Variants in DCDC1 observed in about 807,000 individuals in gnomAD.
DCDC1 encodes doublecortin domain containing 1, also known as doublecortin domain-containing protein 1.
Under a neutral mutation model 178.3 loss-of-function variants are expected in DCDC1, and 200 were observed. The observed-to-expected ratio is 1.12, with a 90% CI of 1.00 to 1.26. DCDC1 has a LOEUF of 1.26. Ranked by LOEUF, DCDC1 falls within the 50% of genes most tolerant of loss-of-function variation. The probability of loss-of-function intolerance (pLI) is 0.00; values close to 1 mark genes in which losing one functional copy is unlikely to be tolerated. For missense variants in DCDC1, 1,983 were observed against 1,749.2 expected (o/e 1.13, Z -2.38); for synonymous variants, 690 against 604.8 (o/e 1.14, Z -2.07).
intron 11 of DCDC1, among the ~76,000 whole-genome samples, chr11:31,118,270 T>C (rs185483201): frequency 6.6e-6 from 1 of 152,132 alleles, no homozygotes; most frequent in Non-Finnish European, 1.5e-5. Flanking sequence ...GTAAACATAA[T>C]TTTCCCCTAA....
Position 30,922,597 on chromosome 11 carries a change from C to G in DCDC1, c.3039G>C (p.Leu1013=). The part of the protein sequence containing the change: ...SCGELWINPD[L]SIAQQKKQIF... ...TTTGTTTCTTTTGCTGAGCAATGGA[C>G]AGGTCAGGATTGATCCAGAGTTCTC... Residue 1013 remains leucine, a synonymous_variant, in exon 24 of 39, where the codon CTG becomes CTC. Transcript: ENST00000684477. 6.3e-7 allele frequency: 1 copy of G among 1,585,758 alleles called. No homozygotes were observed. The highest frequency in any genetic ancestry group is 8.5e-7 in the Non-Finnish European group (1 of 1,169,852).
intron 20 of DCDC1, among the ~76,000 whole-genome samples, chr11:30,959,397 T>C (rs1948959508): frequency 1.3e-5 from 2 of 152,140 alleles, no homozygotes. Flanking sequence ...CCTGTTCACA[T>C]GTTCAGTGAA....
At chr11:31,272,920 G>A (rs1320352781) in intron 7 of DCDC1, among the ~76,000 whole-genome samples, 2 of 152,138 alleles carry the variant, frequency 1.3e-5, no homozygotes, top group East Asian at 3.9e-4. Flanking sequence ...CTCTGTGTAG[G>A]GACTCACAAG....
At chr11:31,070,433 C>A (rs1331779063) in intron 18 of DCDC1, among the ~76,000 whole-genome samples, 1 of 152,150 alleles carries the variant, frequency 6.6e-6, no homozygotes, top group African/African-American at 2.4e-5. Flanking sequence ...ATAATGCATT[C>A]TTCACATTCT....
At chr11:31,138,301 T>C (rs1963408504) in intron 9 of DCDC1, among the ~76,000 whole-genome samples, 1 of 152,178 alleles carries the variant, frequency 6.6e-6, no homozygotes, top group African/African-American at 2.4e-5. Flanking sequence ...TTGAACCTGC[T>C]CCATTTACAA....
chr11:30,982,182 T>C (rs1950422823), intron 20 of DCDC1, among the ~76,000 whole-genome samples: 1 of 152,206 alleles, frequency 6.6e-6, no homozygotes, highest in African/African-American at 2.4e-5. Flanking sequence ...TCCCGCAAAT[T>C]AGTATTGCTG....
rs372289576 is a variant in DCDC1, at chr11:30,899,594, T to C, written c.4712A>G (p.Asp1571Gly). 3.2e-6 allele frequency: 5 copies of C among 1,583,028 alleles called. No homozygotes were observed. In the East Asian group the frequency reaches 1.1e-4, roughly 36 times the overall value. ...GGTATCTAGATCAGCCAAAATTCTG[T>C]CCTTTTTTAGCCAGTTCTGTTTCTC... ...KLEKQNWLKK[D>G]RILADLDTMR... Residue 1571 changes from aspartate to glycine, a missense_variant, in exon 34 of 39, where the codon GAC (aspartate) becomes GGC (glycine). By Grantham distance (94) the Asp-to-Gly change is moderately conservative. Coordinates refer to ENST00000684477, the MANE Select transcript of DCDC1 (RefSeq NM_001387274.1).
chr11:30,994,076 CA>C (rs1411207227), intron 20 of DCDC1, among the ~76,000 whole-genome samples: 1 of 151,832 alleles, frequency 6.6e-6, no homozygotes, highest in Non-Finnish European at 1.5e-5. Context: ...TTAGATCCAG[CA>C]ATATAAAAAA....
intron 9 of DCDC1, among the ~76,000 whole-genome samples, chr11:31,211,168 A>C (rs1156489628): frequency 6.6e-6 from 1 of 152,180 alleles, no homozygotes; most frequent in Non-Finnish European, 1.5e-5. Flanking sequence ...TAGCAATCAG[A>C]CTGAGCTTGG....
At chr11:31,263,736 T>C (rs1057385156) in intron 8 of DCDC1, among the ~76,000 whole-genome samples, 2 of 152,088 alleles carry the variant, frequency 1.3e-5, no homozygotes, top group African/African-American at 2.4e-5. Flanking sequence ...ATAGTACAAG[T>C]GAGAAAATGG....
At chr11:30,999,842 G>A (rs569929300) in intron 20 of DCDC1, among the ~76,000 whole-genome samples, 9 of 152,178 alleles carry the variant, frequency 5.9e-5, no homozygotes, top group Admixed American at 5.9e-4. Flanking sequence ...ATATTTGTTG[G>A]CAATCTTAGG....
At chr11:31,268,125 T>C (rs1292775433) in intron 7 of DCDC1, among the ~76,000 whole-genome samples, 1 of 152,208 alleles carries the variant, frequency 6.6e-6, no homozygotes. Context: ...GTTCTCAATT[T>C]CTTAATATTA....
At position 31,156,497 on chromosome 11, in the gene DCDC1, A is replaced by G. The variant is rs145173536; in HGVS notation, c.1222-18713T>C. Among the ~76,000 whole-genome samples the G allele has an allele frequency of 6.0e-3, 921 of 152,238 alleles. 7 individuals carry two copies. The highest frequency in any genetic ancestry group is 0.021 in the African/African-American group (880 of 41,524). On this transcript the variant is annotated intron_variant, in intron 9 of 38. Coordinates refer to ENST00000684477, the MANE Select transcript of DCDC1 (RefSeq NM_001387274.1). ...AAATTATCTAGTAGCTGCAGTAAAA[A>G]GAAACAGGTAAAATTTATTTTAGTA...
intron 20 of DCDC1, among the ~76,000 whole-genome samples, chr11:31,064,217 A>G (rs1034298119): frequency 9.2e-5 from 14 of 152,172 alleles, no homozygotes; most frequent in Non-Finnish European, 2.1e-4. Context: ...GTTATTTCAT[A>G]GCATTTTAGT....
At chr11:30,996,342 A>G (rs1201363989) in intron 20 of DCDC1, among the ~76,000 whole-genome samples, 1 of 152,202 alleles carries the variant, frequency 6.6e-6, no homozygotes, top group Admixed American at 6.5e-5. Flanking sequence ...TTTGATGAGA[A>G]TATAAAATGG....
intron 20 of DCDC1, among the ~76,000 whole-genome samples, chr11:31,043,247 T>G (rs1032793956): frequency 6.6e-6 from 1 of 152,194 alleles, no homozygotes; most frequent in Non-Finnish European, 1.5e-5. Context: ...TGAGAGACTT[T>G]TGCTGATACA....
intron 6 of DCDC1, among the ~76,000 whole-genome samples, chr11:31,301,716 A>C (rs144780329): frequency 1.3e-5 from 2 of 152,234 alleles, no homozygotes; most frequent in Non-Finnish European, 2.9e-5. Context: ...TTTCCAAATC[A>C]TCAATAATTA....
At chr11:30,967,091 T>G (rs1165498526) in intron 20 of DCDC1, among the ~76,000 whole-genome samples, 13 of 38,318 alleles carry the variant, frequency 3.4e-4, no homozygotes, top group Admixed American at 6.2e-4. Flanking sequence ...TGCGGGCTCT[T>G]TTTTGGTTCC....
intron 20 of DCDC1, among the ~76,000 whole-genome samples, chr11:30,954,005 C>CTTTTT (rs5790847): frequency 5.5e-4 from 42 of 76,508 alleles, no homozygotes; most frequent in African/African-American, 1.3e-3. Context: ...TACAACAATT[C>CTTTTT]TTTTTTTTTT....
Sources: gnomAD v4.1 joint callset for allele counts (sites outside exome capture counted in the v4.1 genomes callset) on GRCh38, gnomAD v4.1.1 for gene constraint, MANE v1.5 for transcripts, NCBI Gene and HGNC (gene_info 2026-07-23, HGNC 2026-07-21) for gene names.